The following SUN2 variants were observed in gnomAD, a reference collection of about 807,000 sequenced individuals.
The protein encoded by SUN2 is SUN domain-containing protein 2.
In SUN2, 60 loss-of-function variants were observed where a neutral mutation model predicts 100.0. The ratio of observed to expected loss-of-function variants is 0.60; its 90% CI spans 0.49 to 0.74. SUN2 has a LOEUF of 0.74. SUN2 is among the 30% of genes least tolerant of loss of function. The pLI is 0.00. For synonymous variants in SUN2, 367 were observed against 403.3 expected, an observed-to-expected ratio of 0.91 and a Z score of 1.08; for missense variants, 834 against 954.6, an observed-to-expected ratio of 0.87 and a Z score of 1.66.
Position 38,738,317 on chromosome 22 carries a change from C to T in SUN2, c.1948-52G>A, listed in dbSNP as rs1464271210. 2 of 1,471,644 alleles carry T rather than the reference C, an allele frequency of 1.4e-6. No homozygotes were observed. The highest frequency in any genetic ancestry group is 1.2e-5 in the South Asian group (1 of 85,122). 91.2% of individuals were successfully genotyped at this position (1,471,644 alleles called of 1,614,324 possible). A position where few individuals can be genotyped will look rare whatever the true frequency, so the allele number is the denominator to read the frequency against. On this transcript the variant is annotated intron_variant, in intron 16 of 17. Coordinates refer to ENST00000689035, the MANE Select transcript of SUN2 (RefSeq NM_015374.3). This position sits in a 1 kb window ranked among gnomAD's most constrained non-coding sequence, Gnocchi z 6.6. ...GAGGGGCTGGAGCAGGGAGAACACCCCTCCCCACTCCAATCCCTGCTCCTC... is the reference window on the plus strand; with the variant it reads ...GAGGGGCTGGAGCAGGGAGAACACCTCTCCCCACTCCAATCCCTGCTCCTC...
chr22:38,751,553 C>G, intron 2 of SUN2, 180 bp from the exon 3 acceptor site: 2 of 619,988 alleles, frequency 3.2e-6, no homozygotes, highest in Non-Finnish European at 5.5e-6. Flanking sequence ...CTCCTGTTCT[C>G]TCTGAATCTC....
chr22:38,736,477 TGG>T, intron 17 of SUN2, 97 bp from the exon 18 acceptor site: 4 of 945,592 alleles, frequency 4.2e-6, no homozygotes, highest in East Asian at 2.8e-5. Flanking sequence ...TAGGGCCAGA[TGG>T]CTCCCCTGCT....
At chr22:38,745,358 C>T (rs1418398966) in intron 8 of SUN2, among the ~76,000 whole-genome samples, 2 of 152,192 alleles carry the variant, frequency 1.3e-5, no homozygotes, top group Non-Finnish European at 2.9e-5. Flanking sequence ...AACCCACAGA[C>T]TCATGAACTA....
intron 9 of SUN2, among the ~76,000 whole-genome samples, chr22:38,741,843 T>C (rs1234696917): frequency 2.6e-5 from 4 of 152,160 alleles, no homozygotes; most frequent in African/African-American, 9.7e-5. Context: ...AAACTGAGGC[T>C]TAGAGAAGGT....
At position 38,738,373 on chromosome 22, in the gene SUN2, T is replaced by C. The variant is rs1340994237; in HGVS notation, c.1948-108A>G. The C allele has an allele frequency of 7.8e-6, 9 of 1,146,598 alleles. No homozygotes were observed. Among genetic ancestry groups the C allele is most frequent in the Non-Finnish European group, 1.1e-5 (9 of 795,452 alleles). 71.0% of individuals were successfully genotyped at this position (1,146,598 alleles called of 1,614,324 possible). ...CAGCAGGTCAGGCACCAGAGTGGCC[T>C]ATGACAAGTCACTTCACTCTCTTGT... On this transcript the variant is annotated intron_variant, in intron 16 of 17. Coordinates refer to ENST00000689035, the MANE Select transcript of SUN2 (RefSeq NM_015374.3). This position sits in a 1 kb window ranked among gnomAD's most constrained non-coding sequence, Gnocchi z 6.6.
intron 9 of SUN2, 100 bp downstream of exon 9, chr22:38,742,201 G>T: frequency 7.0e-7 from 1 of 1,429,986 alleles, no homozygotes. Flanking sequence ...TGGCAGAGCT[G>T]TCTGATCCCA....
Position 38,755,416 on chromosome 22 carries a change from T to C in SUN2, c.-38+347A>G. On this transcript the variant is annotated intron_variant, in intron 1 of 17. Transcript: ENST00000689035. The surrounding 1 kb of genome is among the most constrained non-coding windows in gnomAD (Gnocchi z 5.7). Reference sequence around the variant, plus strand: ...GTTCTGACAGGCAGAGGCTGGGAACTGCCTGTCCCTGGAAACGGCCTGTCT... The same window carrying C: ...GTTCTGACAGGCAGAGGCTGGGAACCGCCTGTCCCTGGAAACGGCCTGTCT... 2.0e-6 allele frequency: 2 copies of C among 998,514 alleles called. No homozygotes were observed. Among genetic ancestry groups the C allele is most frequent in the Non-Finnish European group, 2.4e-6 (2 of 836,238 alleles). The allele number at this position is 998,514 out of a possible 1,614,324, so 61.9% of individuals were successfully genotyped here.
chr22:38,740,716 A>T lies in SUN2; in HGVS notation c.1191-284T>A. On this transcript the variant is annotated intron_variant, in intron 11 of 17. Coordinates refer to ENST00000689035, the MANE Select transcript of SUN2 (RefSeq NM_015374.3). The surrounding 1 kb of genome is among the most constrained non-coding windows in gnomAD (Gnocchi z 4.8). ...CTCCACAAGCATGGACATCTGGGGC[A>T]TGAGAAGGCAGTTATGTGAGGCTGT... The T allele has an allele frequency of 8.6e-6, 5 of 584,178 alleles. No individual in the cohort carries two copies. Among genetic ancestry groups the T allele is most frequent in the Non-Finnish European group, 1.5e-5 (5 of 327,716 alleles). 36.2% of individuals were successfully genotyped at this position (584,178 alleles called of 1,614,324 possible). A position where few individuals can be genotyped will look rare whatever the true frequency, so the allele number is the denominator to read the frequency against.
At chr22:38,745,594 G>A (rs967287435) in intron 8 of SUN2, 90 bp downstream of exon 8, 20 of 1,524,986 alleles carry the variant, frequency 1.3e-5, no homozygotes, top group African/African-American at 4.1e-5. Flanking sequence ...TTGTGTGTAC[G>A]GTGTGAGGCA....
chr22:38,742,385 G>C lies in SUN2; in HGVS notation c.984C>G (p.Thr328=), dbSNP rs550342790. 6.2e-7 allele frequency: 1 copy of C among 1,613,308 alleles called. No homozygotes were observed. The highest frequency in any genetic ancestry group is 8.5e-7 in the Non-Finnish European group (1 of 1,179,960). The change falls in exon 9 of 18, where the codon ACC becomes ACG. Residue 328 remains threonine (T), a synonymous_variant. Transcript: ENST00000689035. The part of the protein sequence containing the change: ...GGGGGLSHED[T]LALLEGLVSR... Reference sequence around the variant, plus strand: ...TCACTAGCCCCTCCAGCAGCGCCAGGGTGTCCTCGTGGCTCAGGCCACCAC... The same window carrying C: ...TCACTAGCCCCTCCAGCAGCGCCAGCGTGTCCTCGTGGCTCAGGCCACCAC...
At position 38,740,505 on chromosome 22, in the gene SUN2, G is replaced by C; in HGVS notation, c.1191-73C>G. 3.6e-6 allele frequency: 5 copies of C among 1,393,028 alleles called. No individual in the cohort carries two copies. Among genetic ancestry groups the C allele is most frequent in the Non-Finnish European group, 4.7e-6 (5 of 1,064,210 alleles). The allele number at this position is 1,393,028 out of a possible 1,614,324, so 86.3% of individuals were successfully genotyped here. ...GTAAGGCCACACCAAAGATGAAAGA[G>C]GACCCCCTAGTGGGCTCCCGTCAGG... On this transcript the variant is annotated intron_variant, in intron 11 of 17. Coordinates refer to ENST00000689035, the MANE Select transcript of SUN2 (RefSeq NM_015374.3). The surrounding 1 kb of genome is among the most constrained non-coding windows in gnomAD (Gnocchi z 4.8).
intron 7 of SUN2, among the ~76,000 whole-genome samples, chr22:38,748,082 G>A (rs991964939): frequency 2.0e-5 from 3 of 152,186 alleles, no homozygotes; most frequent in African/African-American, 7.2e-5. Context: ...TTGGGAGGCC[G>A]AGGCAGCTGG....
At position 38,736,270 on chromosome 22, in the gene SUN2, G is replaced by A; in HGVS notation, c.2151C>T (p.His717=). ...CAGCAGGCACCAGTAAGCAGGGCTA[G>A]TGGGCGGGCTCCCCATGCACTCTGA... ...YRFRVHGEPA[H] is the part of the protein sequence containing the mutation. Residue 717 remains histidine (H), a synonymous_variant, in exon 18 of 18, where the codon CAC becomes CAT. Transcript: ENST00000689035. 6.2e-7 allele frequency: 1 copy of A among 1,612,430 alleles called. No homozygotes were observed. The highest frequency in any genetic ancestry group is 8.5e-7 in the Non-Finnish European group (1 of 1,179,012).
At chr22:38,746,856 C>T (rs1485514423) in intron 7 of SUN2, among the ~76,000 whole-genome samples, 1 of 150,400 alleles carries the variant, frequency 6.6e-6, no homozygotes, top group African/African-American at 2.5e-5. Flanking sequence ...ATGGTGACAC[C>T]CCATCTCTAC....
intron 7 of SUN2, among the ~76,000 whole-genome samples, chr22:38,747,345 AAAAG>A (rs1165836694): frequency 6.6e-6 from 1 of 151,992 alleles, no homozygotes; most frequent in Non-Finnish European, 1.5e-5. Flanking sequence ...AAAAAAAAAA[AAAAG>A]AAGAAGAATC....
intron 10 of SUN2, 39 bp from the exon 11 acceptor site, chr22:38,741,089 C>G: frequency 6.4e-7 from 1 of 1,572,882 alleles, no homozygotes. Flanking sequence ...AAATACTCAT[C>G]TCAGAAATTG....
chr22:38,750,240 C>T lies in SUN2; in HGVS notation c.505G>A (p.Val169Met). ...TGCAGCCCACCTGGCGAAGTGGCCACCATCCAGAGTAAGGAGCCCGCCCGT... is the reference window on the plus strand; with the variant it reads ...TGCAGCCCACCTGGCGAAGTGGCCATCATCCAGAGTAAGGAGCCCGCCCGT... ...VSRAGSLLWM[V>M]ATSPGRLFRL... is the part of the protein sequence containing the mutation. Residue 169 changes from valine (V) to methionine (M), a missense_variant, in exon 5 of 18, where the codon GTG (valine) becomes ATG (methionine). Physicochemically the swap from Val to Met is conservative, Grantham distance 21. Transcript: ENST00000689035. The T allele has an allele frequency of 6.2e-7, 1 of 1,611,808 alleles. No individual in the cohort carries two copies. Among genetic ancestry groups the T allele is most frequent in the Middle Eastern group, 1.7e-4 (1 of 6,048 alleles).
Position 38,755,478 on chromosome 22 carries a change from G to A in SUN2, c.-38+285C>T, listed in dbSNP as rs1454396418. The A allele has an allele frequency of 1.0e-6, 1 of 988,232 alleles. No homozygotes were observed. The highest frequency in any genetic ancestry group is 1.2e-6 in the Non-Finnish European group (1 of 831,454). 61.2% of individuals were successfully genotyped at this position (988,232 alleles called of 1,614,324 possible). On this transcript the variant is annotated intron_variant, in intron 1 of 17. Transcript: ENST00000689035. This position sits in a 1 kb window ranked among gnomAD's most constrained non-coding sequence, Gnocchi z 5.7. ...CGTAGGCGCTGCCCGGGGCCGGGTT[G>A]GGGCAGTCGGCCTTTGCCCTCCTCC...
In SUN2 at chr22:38,744,261, C is replaced by CAA. The variant is rs35027225; in HGVS notation, c.813+1421_813+1422dup. ...TGGGTGACTTAGCAAGACTCTGTCTCAAAAAAAAAAAAAAAAAAAAAAAAA... is the reference window on the plus strand; with the variant it reads ...TGGGTGACTTAGCAAGACTCTGTCTCAAAAAAAAAAAAAAAAAAAAAAAAAAA... On this transcript the variant is annotated intron_variant, in intron 8 of 17. Coordinates refer to ENST00000689035, the MANE Select transcript of SUN2 (RefSeq NM_015374.3). Among the ~76,000 whole-genome samples, 244 of 60,292 alleles carry CAA rather than the reference C, an allele frequency of 4.0e-3. 1 individual carries two copies. Among genetic ancestry groups the CAA allele is most frequent in the Middle Eastern group, 0.011 (1 of 90 alleles). The allele number at this position is 60,292 out of a possible 152,430, so 39.6% of individuals were successfully genotyped here.
Sources: gnomAD v4.1 joint callset for allele counts (sites outside exome capture counted in the v4.1 genomes callset) on GRCh38, gnomAD v4.1.1 for gene constraint, Gnocchi (gnomAD v3.1) non-coding constraint, MANE v1.5 for transcripts, NCBI Gene and HGNC (gene_info 2026-07-23, HGNC 2026-07-21) for gene names.